The following RASGRP4 variants were observed in gnomAD, a reference collection of about 807,000 sequenced individuals.
RASGRP4 encodes RAS guanyl releasing protein 4.
A neutral mutation model predicts 84.4 loss-of-function variants in RASGRP4; 52 were observed. That is an observed-to-expected ratio of 0.62 (90% confidence interval 0.49 to 0.78). The LOEUF (loss-of-function observed/expected upper bound fraction) is 0.78, where lower values mean the gene tolerates loss of function less well. Ranked by LOEUF, RASGRP4 falls within the 30% of genes least tolerant of loss-of-function variation. RASGRP4 has a pLI of 0.00. For missense variants in RASGRP4, 760 were observed against 886.9 expected (o/e 0.86, Z 1.82); for synonymous variants, 356 against 359.1 (o/e 0.99, Z 0.10).
intron 15 of RASGRP4, 22 bp from the exon 16 acceptor site, chr19:38,411,020 G>A (rs34411591): frequency 0.056 from 89,286 of 1,608,210 alleles, 2,877 homozygotes; most frequent in African/African-American, 0.11. Flanking sequence ...TGGATGGAAG[G>A]GATGTGGGTC....
At position 38,419,899 on chromosome 19, in the gene RASGRP4, G is replaced by A. The variant is rs1391110624; in HGVS notation, c.624C>T (p.His208=). 6.2e-7 allele frequency: 1 copy of A among 1,609,278 alleles called. No individual in the cohort carries two copies. Among genetic ancestry groups the A allele is most frequent in the Non-Finnish European group, 8.5e-7 (1 of 1,177,876 alleles). The change falls in exon 6 of 17, where the codon CAC becomes CAT. Residue 208 remains histidine (H), a synonymous_variant. Coordinates refer to ENST00000615439, the MANE Select transcript of RASGRP4 (RefSeq NM_170604.3). The part of the protein sequence containing the change: ...DHLETGELAQ[H]LTYLEFRSFQ... ...AGGACCGGAACTCCAGGTAGGTGAG[G>A]TGCTGAGCCAGCTCCCCCGTCTCCA...
rs371051060 is a variant in RASGRP4, at chr19:38,411,275, C to T, written c.1718-26G>A. 1.0e-4 allele frequency: 165 copies of T among 1,613,490 alleles called. 1 individual carries two copies. In the African/African-American group the frequency reaches 1.2e-3, roughly 12 times the overall value. On this transcript the variant is annotated intron_variant, in intron 14 of 16. Coordinates refer to ENST00000615439, the MANE Select transcript of RASGRP4 (RefSeq NM_170604.3). ...CTGGGGGAAGGCAGCGGCAGGGGTCCGATCTGTGTCATCCATTCTTCCAGC... is the reference window on the plus strand; with the variant it reads ...CTGGGGGAAGGCAGCGGCAGGGGTCTGATCTGTGTCATCCATTCTTCCAGC...
At chr19:38,410,661 C>T (rs1971202697) in intron 16 of RASGRP4, among the ~76,000 whole-genome samples, 1 of 152,248 alleles carries the variant, frequency 6.6e-6, no homozygotes, top group South Asian at 2.1e-4. Flanking sequence ...GATCCTCCCA[C>T]CTCAGCCTCC....
intron 4 of RASGRP4, 135 bp from the exon 5 acceptor site, chr19:38,420,397 G>C (rs1600572288): frequency 4.5e-6 from 4 of 883,620 alleles, no homozygotes; most frequent in East Asian, 2.7e-5. Context: ...TGGAGGGTTG[G>C]GGTTTGGAGG....
At chr19:38,423,706 G>GCAT (rs1424884633) in intron 1 of RASGRP4, among the ~76,000 whole-genome samples, 6 of 151,586 alleles carry the variant, frequency 4.0e-5, no homozygotes, top group African/African-American at 1.5e-4. Flanking sequence ...GCGTGGTGGT[G>GCAT]GGCTCCTGTA....
At position 38,421,108 on chromosome 19, in the gene RASGRP4, G is replaced by C. The variant is rs572991560; in HGVS notation, c.301C>G (p.Arg101Gly). The change falls in exon 3 of 17, where the codon CGC becomes GGC. Residue 101 changes from arginine to glycine, a missense_variant. Arg to Gly is a moderately radical substitution (Grantham distance 125, BLOSUM62 -2). Coordinates refer to ENST00000615439, the MANE Select transcript of RASGRP4 (RefSeq NM_170604.3). Reference protein sequence around the residue: ...WVLPSADLAARLLTSYQKATG... With the variant: ...WVLPSADLAAGLLTSYQKATG... ...CCTGGAGGATATGAGGTCAGCAGGC[G>C]GGCAGCCAGGTCGGCGGACGGCAGC... The C allele has an allele frequency of 8.1e-6, 13 of 1,613,544 alleles. No homozygotes were observed.
In RASGRP4 at chr19:38,420,030, G is replaced by A. The variant is rs1196794655; in HGVS notation, c.510-17C>T. ...GGGCTCAGGCTGGGGGCCAAGAGGG[G>A]CAGGGTATTGGAGTGGCTCACAGTT... is the stretch of plus-strand genomic sequence containing the variant. On this transcript the variant is annotated splice_polypyrimidine_tract_variant and intron_variant, in intron 5 of 16. Transcript: ENST00000615439. 1.2e-6 allele frequency: 2 copies of A among 1,613,150 alleles called. No individual in the cohort carries two copies. The highest frequency in any genetic ancestry group is 2.2e-5 in the South Asian group (2 of 91,080).
chr19:38,426,102 T>C lies in RASGRP4; in HGVS notation c.-11A>G. Reference sequence around the variant, plus strand: ...GTCTTTTCTGTTCATGCTTCCCGCGTGGGGTGAGGAGGCCGGGGGTCTTGC... The same window carrying C: ...GTCTTTTCTGTTCATGCTTCCCGCGCGGGGTGAGGAGGCCGGGGGTCTTGC... On this transcript the variant is annotated 5_prime_UTR_variant, in exon 1 of 17. Transcript: ENST00000615439. The C allele has an allele frequency of 7.5e-7, 1 of 1,330,412 alleles. No homozygotes were observed. Among genetic ancestry groups the C allele is most frequent in the Non-Finnish European group, 9.7e-7 (1 of 1,031,226 alleles). 82.4% of individuals were successfully genotyped at this position (1,330,412 alleles called of 1,614,324 possible).
chr19:38,419,849 G>A lies in RASGRP4; in HGVS notation c.663+11C>T, dbSNP rs764930233. The stretch of plus-strand genomic sequence containing the variant: ...CCCCTGCTTGGGACGGGGATGGGAG[G>A]GGGTCCTCACCGTGATAGCCTGGAA... On this transcript the variant is annotated intron_variant, in intron 6 of 16. Transcript: ENST00000615439. The A allele has an allele frequency of 3.8e-6, 6 of 1,579,408 alleles. No individual in the cohort carries two copies. The South Asian group carries it at 6.9e-5, about 18-fold the overall frequency.
At position 38,411,263 on chromosome 19, in the gene RASGRP4, G is replaced by A. The variant is rs763559266; in HGVS notation, c.1718-14C>T. On this transcript the variant is annotated splice_polypyrimidine_tract_variant and intron_variant, in intron 14 of 16. Transcript: ENST00000615439. ...ACAGCCCGCACTCTGGGGGAAGGCA[G>A]CGGCAGGGGTCCGATCTGTGTCATC... 2.4e-5 allele frequency: 39 copies of A among 1,613,744 alleles called. No individual in the cohort carries two copies. The Admixed American group carries it at 6.3e-4, about 26-fold the overall frequency.
At chr19:38,416,607 A>G (rs997239109) in intron 8 of RASGRP4, among the ~76,000 whole-genome samples, 17 of 151,980 alleles carry the variant, frequency 1.1e-4, no homozygotes, top group African/African-American at 4.1e-4. Context: ...GCCACACTGT[A>G]CCCAGCCTAT....
chr19:38,424,515 ACT>A (rs1971903427), intron 1 of RASGRP4, among the ~76,000 whole-genome samples: 1 of 149,950 alleles, frequency 6.7e-6, no homozygotes, highest in South Asian at 2.1e-4. Flanking sequence ...GAACTCCTGG[ACT>A]CGAGTGATCC....
At chr19:38,423,870 A>T (rs189673119) in intron 1 of RASGRP4, among the ~76,000 whole-genome samples, 167 of 152,082 alleles carry the variant, frequency 1.1e-3, no homozygotes, top group Admixed American at 2.2e-3. Flanking sequence ...AATAATAGTA[A>T]TAATAATTCT....
rs375202739 is a variant in RASGRP4, at chr19:38,413,127, G to A, written c.1416+66C>T. 4 of 1,580,108 alleles carry A rather than the reference G, an allele frequency of 2.5e-6. No individual in the cohort carries two copies. Among genetic ancestry groups the A allele is most frequent in the African/African-American group, 1.3e-5 (1 of 74,292 alleles). On this transcript the variant is annotated intron_variant, in intron 11 of 16. Coordinates refer to ENST00000615439, the MANE Select transcript of RASGRP4 (RefSeq NM_170604.3). This position sits in a 1 kb window ranked among gnomAD's most constrained non-coding sequence, Gnocchi z 4.7. Reference sequence around the variant, plus strand: ...CCATGGCCATAAGTCCCCACCTCCAGGCTCAGGGTTCTACAGATGTCTTCC... The same window carrying A: ...CCATGGCCATAAGTCCCCACCTCCAAGCTCAGGGTTCTACAGATGTCTTCC...
chr19:38,424,134 T>C (rs1971884367), intron 1 of RASGRP4, among the ~76,000 whole-genome samples: 1 of 152,096 alleles, frequency 6.6e-6, no homozygotes, highest in South Asian at 2.1e-4. Flanking sequence ...TCTTTCTTTT[T>C]TTGGAGACAG....
At chr19:38,420,068 A>C (rs1425426106) in intron 5 of RASGRP4, 55 bp from the exon 6 acceptor site, 24 of 1,608,194 alleles carry the variant, frequency 1.5e-5, no homozygotes, top group Non-Finnish European at 2.0e-5. Flanking sequence ...GGGCTTGGGG[A>C]TATAGAGGGA....
intron 1 of RASGRP4, 26 bp downstream of exon 1, chr19:38,426,043 G>T: frequency 7.3e-7 from 1 of 1,365,202 alleles, no homozygotes; most frequent in East Asian, 2.8e-5. Context: ...GGGTGCTGCC[G>T]GGCTCCCTGG....
intron 1 of RASGRP4, 68 bp downstream of exon 1, chr19:38,426,001 T>C: frequency 7.8e-7 from 1 of 1,275,826 alleles, no homozygotes; most frequent in South Asian, 2.2e-5. Flanking sequence ...GCGAGTGATC[T>C]CCCCAGCCCT....
At chr19:38,420,775 A>C (rs1971710278) in intron 4 of RASGRP4, 133 bp downstream of exon 4, 1 of 813,300 alleles carries the variant, frequency 1.2e-6, no homozygotes, top group African/African-American at 1.7e-5. Flanking sequence ...GTGTCTCAGA[A>C]GTGGGATTTT....
Sources: allele counts gnomAD v4.1 joint callset (sites outside exome capture counted in the v4.1 genomes callset), GRCh38; gene constraint gnomAD v4.1.1; non-coding constraint Gnocchi (gnomAD v3.1); transcripts MANE v1.5; gene names NCBI Gene and HGNC (gene_info 2026-07-23, HGNC 2026-07-21).